The following EPB41 variants were observed in gnomAD, a reference collection of about 807,000 sequenced individuals.
EPB41 encodes the protein erythrocyte membrane protein band 4.1.
A neutral mutation model predicts 108.0 loss-of-function variants in EPB41; 65 were observed. The ratio of observed to expected loss-of-function variants is 0.60; its 90% CI spans 0.49 to 0.74. EPB41 has a LOEUF of 0.74. Ranked by LOEUF, EPB41 falls within the 30% of genes least tolerant of loss-of-function variation. The pLI, the probability that EPB41 is intolerant of heterozygous loss-of-function variation, is 0.00. For synonymous variants in EPB41, 336 were observed against 358.9 expected (o/e 0.94, Z 0.72); for missense variants, 875 against 1,037.0 (o/e 0.84, Z 2.15).
chr1:28,994,097 A>G (rs2096096169), intron 3 of EPB41, among the ~76,000 whole-genome samples: 1 of 152,182 alleles, frequency 6.6e-6, no homozygotes, highest in African/African-American at 2.4e-5. Context: ...AAGTGATTGA[A>G]TCAGGATTGA....
intron 9 of EPB41, among the ~76,000 whole-genome samples, chr1:29,035,013 G>A (rs1168287740): frequency 2.5e-5 from 3 of 122,354 alleles, no homozygotes; most frequent in African/African-American, 6.3e-5. Context: ...AAGAAGTCTC[G>A]CTTTGTCACC....
At chr1:28,934,008 T>C (rs576696959) in intron 1 of EPB41, among the ~76,000 whole-genome samples, 1 of 152,242 alleles carries the variant, frequency 6.6e-6, no homozygotes, top group Admixed American at 6.5e-5. Context: ...CCTAATGTCT[T>C]TTTCCTGTTC....
intron 16 of EPB41, among the ~76,000 whole-genome samples, chr1:29,074,091 C>T (rs552249156): frequency 6.6e-6 from 1 of 152,118 alleles, no homozygotes; most frequent in East Asian, 1.9e-4. Context: ...AGAAATTACA[C>T]TTGTGCTTTA....
intron 4 of EPB41, among the ~76,000 whole-genome samples, chr1:28,999,097 G>A (rs1044787146): frequency 3.9e-5 from 6 of 152,276 alleles, no homozygotes; most frequent in African/African-American, 1.4e-4. Context: ...TTGGCGGGGT[G>A]TGGTGGCTCA....
At chr1:28,890,447 A>C (rs1193275608) in intron 1 of EPB41, among the ~76,000 whole-genome samples, 2 of 152,178 alleles carry the variant, frequency 1.3e-5, no homozygotes, top group South Asian at 4.1e-4. Context: ...AGTAGGGGAG[A>C]TAAGTCTAAA....
intron 1 of EPB41, among the ~76,000 whole-genome samples, chr1:28,898,648 T>C (rs1557615762): frequency 6.6e-6 from 1 of 152,224 alleles, no homozygotes; most frequent in Non-Finnish European, 1.5e-5. Flanking sequence ...CAGCCCGTTC[T>C]AGCCAAGAAA....
At chr1:29,097,655 C>T in intron 16 of EPB41, 152 bp from the exon 17 acceptor site, 1 of 829,740 alleles carries the variant, frequency 1.2e-6, no homozygotes, top group Non-Finnish European at 2.0e-6. Context: ...CTTTGGAATA[C>T]TGTCGAAGTC....
chr1:28,908,997 C>A (rs79553173), intron 1 of EPB41, among the ~76,000 whole-genome samples: 50 of 137,982 alleles, frequency 3.6e-4, no homozygotes, highest in South Asian at 7.0e-4. Flanking sequence ...ACTAAAAATA[C>A]AAAAAAAAAA....
At chr1:28,943,798 T>A (rs1398049153) in intron 1 of EPB41, among the ~76,000 whole-genome samples, 2 of 152,098 alleles carry the variant, frequency 1.3e-5, no homozygotes, top group Non-Finnish European at 2.9e-5. Flanking sequence ...TTTGGAGAAG[T>A]TTGGAGGTTC....
chr1:28,948,966 A>C (rs926621877), intron 1 of EPB41, among the ~76,000 whole-genome samples: 3 of 152,130 alleles, frequency 2.0e-5, no homozygotes, highest in African/African-American at 7.2e-5. Context: ...AGAATCTATG[A>C]AACATAAAAT....
chr1:29,046,835 T>G (rs1467335002), intron 11 of EPB41, among the ~76,000 whole-genome samples: 2 of 152,222 alleles, frequency 1.3e-5, no homozygotes, highest in Non-Finnish European at 2.9e-5. Flanking sequence ...ATTTTTACTT[T>G]CAATTTTTAA....
intron 16 of EPB41, among the ~76,000 whole-genome samples, chr1:29,066,507 T>C (rs777390429): frequency 2.0e-5 from 3 of 152,182 alleles, no homozygotes; most frequent in African/African-American, 4.8e-5. Context: ...ACCATGAACA[T>C]ATACCCCAAA....
intron 16 of EPB41, among the ~76,000 whole-genome samples, chr1:29,088,352 C>CT (rs1465774740): frequency 6.6e-6 from 1 of 152,028 alleles, no homozygotes; most frequent in Non-Finnish European, 1.5e-5. Flanking sequence ...CGGCCAGCAT[C>CT]TTTTTTCTTA....
chr1:28,891,043 CTCCAGG>C, intron 1 of EPB41: 3 of 963,034 alleles, frequency 3.1e-6, no homozygotes, highest in Non-Finnish European at 3.7e-6. Flanking sequence ...AGGGAGCAAC[CTCCAGG>C]TCAGCCAGGG....
intron 1 of EPB41, among the ~76,000 whole-genome samples, chr1:28,931,119 C>T (rs2093718819): frequency 6.6e-6 from 1 of 152,032 alleles, no homozygotes; most frequent in East Asian, 1.9e-4. Context: ...GAAAAATAGG[C>T]TGAGCATGGT....
intron 14 of EPB41, among the ~76,000 whole-genome samples, chr1:29,059,199 T>C (rs1432955940): frequency 2.6e-5 from 4 of 152,008 alleles, no homozygotes; most frequent in Non-Finnish European, 1.5e-5. Context: ...CACTTGAACC[T>C]GGGAGGTGTA....
rs1032749470 is a variant in EPB41 at position 28,931,694 on chromosome 1, G to A, written c.-8+16926G>A. ...CAGGCGCCCGCCACCACGTCTGGCT[G>A]ATTTTTTTTTTTTGTATTGTTGGTA... On this transcript the variant is annotated intron_variant, in intron 1 of 20. Transcript: ENST00000343067. 2.8e-4 allele frequency among the ~76,000 whole-genome samples: 43 copies of A among 151,238 alleles called. No homozygotes were observed. In the Middle Eastern group the frequency reaches 0.017, roughly 60 times the overall value.
At position 28,935,469 on chromosome 1, in the gene EPB41, C is replaced by CACACACACACACACACACACACACACACA. The variant is rs1234434094; in HGVS notation, c.-8+20701_-8+20702insACACACACACACACACACACACACACACA. 7.1e-3 allele frequency among the ~76,000 whole-genome samples: 300 copies of CACACACACACACACACACACACACACACA among 42,206 alleles called. 14 individuals carry two copies. Among genetic ancestry groups the CACACACACACACACACACACACACACACA allele is most frequent in the South Asian group, 0.012 (10 of 848 alleles). 27.7% of individuals were successfully genotyped at this position (42,206 alleles called of 152,430 possible). On this transcript the variant is annotated intron_variant, in intron 1 of 20. Transcript: ENST00000343067. Reference sequence around the variant, plus strand: ...CACACACACACACACACACACACACCCCCCCCCCCCCAAGATCTACGCACT... The same window carrying CACACACACACACACACACACACACACACA: ...CACACACACACACACACACACACACCACACACACACACACACACACACACACACACCCCCCCCCCCAAGATCTACGCACT...
upstream of EPB41, chr1:28,911,251 G>T: frequency 1.2e-6 from 1 of 814,248 alleles, no homozygotes; most frequent in Non-Finnish European, 1.5e-6. Flanking sequence ...CCTCATGTGT[G>T]GATAGTACTT....
Sources: allele counts gnomAD v4.1 joint callset (sites outside exome capture counted in the v4.1 genomes callset), GRCh38; gene constraint gnomAD v4.1.1; transcripts MANE v1.5; gene names NCBI Gene and HGNC (gene_info 2026-07-23, HGNC 2026-07-21).